SPOCK3: variants seen among roughly 807,000 people sequenced by gnomAD.
SPOCK3 encodes the protein testican-3.
A neutral mutation model predicts 56.6 loss-of-function variants in SPOCK3; 30 were observed. The observed-to-expected ratio is 0.53, with a 90% confidence interval of 0.40 to 0.72. The LOEUF (loss-of-function observed/expected upper bound fraction) is 0.72, where lower values mean the gene tolerates loss of function less well. Ranked by LOEUF, SPOCK3 falls within the 30% of genes least tolerant of loss-of-function variation. The pLI is 0.00. For synonymous variants in SPOCK3, 196 were observed against 183.3 expected (o/e 1.07, Z -0.56); for missense variants, 527 against 530.0 (o/e 0.99, Z 0.06).
intron 6 of SPOCK3, among the ~76,000 whole-genome samples, chr4:166,838,167 CTTGT>C (rs1468579013): frequency 6.6e-6 from 1 of 151,896 alleles, no homozygotes; most frequent in African/African-American, 2.4e-5. Flanking sequence ...TTAGCTTTAT[CTTGT>C]TTGGGGTTTG....
intron 2 of SPOCK3, among the ~76,000 whole-genome samples, chr4:167,193,889 C>A (rs1334568266): frequency 7.5e-6 from 1 of 132,972 alleles, no homozygotes; most frequent in Non-Finnish European, 1.6e-5. Context: ...TTGAGTTTCA[C>A]AAATCTAGAT....
chr4:167,225,102 C>G (rs947473374), intron 2 of SPOCK3, among the ~76,000 whole-genome samples: 3 of 152,002 alleles, frequency 2.0e-5, no homozygotes, highest in Admixed American at 6.6e-5. Flanking sequence ...TAAAAGTTTC[C>G]AAAATATACA....
intron 2 of SPOCK3, among the ~76,000 whole-genome samples, chr4:167,120,312 G>A (rs1761762676): frequency 3.3e-5 from 5 of 151,954 alleles, no homozygotes; most frequent in Admixed American, 2.6e-4. Flanking sequence ...GTTGATGTGA[G>A]GATTAAATGG....
intron 3 of SPOCK3, among the ~76,000 whole-genome samples, chr4:167,056,621 G>A (rs1464898089): frequency 2.0e-5 from 3 of 152,118 alleles, no homozygotes; most frequent in East Asian, 3.8e-4. Context: ...GCCAAGGCTC[G>A]AGAACTACGT....
intron 10 of SPOCK3, among the ~76,000 whole-genome samples, chr4:166,737,163 G>A (rs889724852): frequency 6.6e-5 from 10 of 152,136 alleles, no homozygotes; most frequent in African/African-American, 2.4e-4. Flanking sequence ...GGATGAATGA[G>A]AAAGGTCTGC....
intron 3 of SPOCK3, among the ~76,000 whole-genome samples, chr4:167,034,835 T>C (rs539954605): frequency 1.5e-4 from 23 of 152,244 alleles, no homozygotes; most frequent in African/African-American, 5.5e-4. Flanking sequence ...AAAACAAAAA[T>C]AGGCAGAGTA....
intron 4 of SPOCK3, among the ~76,000 whole-genome samples, chr4:166,952,680 A>G (rs2150040082): frequency 6.6e-6 from 1 of 152,368 alleles, no homozygotes; most frequent in East Asian, 1.9e-4. Context: ...CTGACTTCAA[A>G]CGATACTACA....
chr4:166,921,492 T>C (rs1579654708), intron 4 of SPOCK3, among the ~76,000 whole-genome samples: 1 of 152,116 alleles, frequency 6.6e-6, no homozygotes, highest in Non-Finnish European at 1.5e-5. Flanking sequence ...AATTTTTGTA[T>C]TTTTTGTAGA....
intron 2 of SPOCK3, among the ~76,000 whole-genome samples, chr4:167,109,383 A>C (rs1366258875): frequency 8.0e-5 from 2 of 24,954 alleles, no homozygotes; most frequent in Non-Finnish European, 1.8e-4. Flanking sequence ...TTTATATAAA[A>C]TATATAAATA....
At chr4:167,063,347 T>C (rs918038132) in intron 2 of SPOCK3, among the ~76,000 whole-genome samples, 10 of 151,824 alleles carry the variant, frequency 6.6e-5, no homozygotes. Context: ...TATTTTATTA[T>C]AAATTAAAAA....
At chr4:167,228,119 C>G (rs1167052303) in intron 2 of SPOCK3, among the ~76,000 whole-genome samples, 1 of 152,122 alleles carries the variant, frequency 6.6e-6, no homozygotes, top group Non-Finnish European at 1.5e-5. Context: ...TTCTACTCAA[C>G]ATGTTATGTG....
intron 2 of SPOCK3, among the ~76,000 whole-genome samples, chr4:167,219,252 T>C (rs1235614122): frequency 1.3e-5 from 2 of 152,146 alleles, no homozygotes; most frequent in African/African-American, 2.4e-5. Flanking sequence ...CTATACTGTA[T>C]GCCATGAAAG....
intron 3 of SPOCK3, among the ~76,000 whole-genome samples, chr4:167,008,498 G>A (rs1749685813): frequency 6.6e-6 from 1 of 152,020 alleles, no homozygotes; most frequent in Non-Finnish European, 1.5e-5. Context: ...ATGATGTTAT[G>A]CAGGCTTTTT....
intron 2 of SPOCK3, among the ~76,000 whole-genome samples, chr4:167,148,483 C>T (rs1047022190): frequency 5.9e-5 from 9 of 152,072 alleles, no homozygotes; most frequent in Non-Finnish European, 1.3e-4. Flanking sequence ...TTGGCTTCAA[C>T]CAATCGTGTT....
chr4:166,737,996 G>A lies in SPOCK3; in HGVS notation c.995-392C>T, dbSNP rs199626896. 4.9e-4 allele frequency among the ~76,000 whole-genome samples: 75 copies of A among 152,190 alleles called. 1 individual carries two copies. Among genetic ancestry groups the A allele is most frequent in the East Asian group, 4.1e-3 (21 of 5,180 alleles). On this transcript the variant is annotated intron_variant, in intron 9 of 10. Coordinates refer to ENST00000357545, the MANE Select transcript of SPOCK3 (RefSeq NM_001040159.2). ...AGACCTGCCACCATCTGCCTTCATC[G>A]CTGCCAACTTTCTACTTTCATTTCC...
At chr4:167,210,568 A>G (rs1365365388) in intron 2 of SPOCK3, among the ~76,000 whole-genome samples, 1 of 152,176 alleles carries the variant, frequency 6.6e-6, no homozygotes, top group Admixed American at 6.6e-5. Flanking sequence ...TAAATTCTAT[A>G]AATATTAAAA....
chr4:167,128,322 A>T (rs1236185502), intron 2 of SPOCK3, among the ~76,000 whole-genome samples: 1 of 152,144 alleles, frequency 6.6e-6, no homozygotes, highest in Non-Finnish European at 1.5e-5. Flanking sequence ...AAGGCTTTTT[A>T]CCCTTCATCT....
intron 7 of SPOCK3, among the ~76,000 whole-genome samples, chr4:166,776,909 TA>T (rs1304230659): frequency 6.6e-6 from 1 of 152,184 alleles, no homozygotes; most frequent in Non-Finnish European, 1.5e-5. Flanking sequence ...ATAATTGCAT[TA>T]AAAGTAATGA....
At chr4:166,932,368 G>T (rs1383158042) in intron 4 of SPOCK3, among the ~76,000 whole-genome samples, 1 of 152,064 alleles carries the variant, frequency 6.6e-6, no homozygotes, top group Non-Finnish European at 1.5e-5. Flanking sequence ...TACACAAGTG[G>T]TCAGATATCC....
Sources: gnomAD v4.1 joint callset for allele counts (sites outside exome capture counted in the v4.1 genomes callset) on GRCh38, gnomAD v4.1.1 for gene constraint, MANE v1.5 for transcripts, NCBI Gene and HGNC (gene_info 2026-07-23, HGNC 2026-07-21) for gene names.